Variants in DAPK2 observed in about 807,000 individuals in gnomAD.
DAPK2 encodes death associated protein kinase 2.
In DAPK2, 35 loss-of-function variants were observed where a neutral mutation model predicts 44.1. The ratio of observed to expected loss-of-function variants is 0.79; its 90% CI spans 0.61 to 1.05. The LOEUF (loss-of-function observed/expected upper bound fraction) is 1.05, where lower values mean the gene tolerates loss of function less well. Ranked by LOEUF, DAPK2 falls within the 50% of genes least tolerant of loss-of-function variation. The pLI is 0.00. For missense variants in DAPK2, 453 were observed against 483.2 expected (o/e 0.94, Z 0.59); for synonymous variants, 174 against 182.6 (o/e 0.95, Z 0.38).
chr15:63,923,188 G>A lies in DAPK2; in HGVS notation c.858+1628C>T, dbSNP rs1037407799. The A allele has an allele frequency of 1.7e-5, 26 of 1,535,912 alleles. No individual in the cohort carries two copies. Among genetic ancestry groups the A allele is most frequent in the Non-Finnish European group, 2.0e-5 (23 of 1,146,752 alleles). On this transcript the variant is annotated intron_variant, in intron 8 of 10. Coordinates refer to ENST00000261891, the Ensembl canonical transcript of DAPK2. The surrounding 1 kb of genome is among the most constrained non-coding windows in gnomAD (Gnocchi z 4.2). ...GGCATCCCAGGTCGACCCGAGCCAC[G>A]TCTTCCACCACACAGGCAAAACGCT...
chr15:63,979,114 G>T (rs1248997474), intron 2 of DAPK2, among the ~76,000 whole-genome samples: 1 of 152,198 alleles, frequency 6.6e-6, no homozygotes, highest in Non-Finnish European at 1.5e-5. Context: ...GGAGGCCCCA[G>T]AGCAGTCAGG....
chr15:63,938,932 T>C (rs950130063), intron 4 of DAPK2, among the ~76,000 whole-genome samples: 4 of 152,164 alleles, frequency 2.6e-5, no homozygotes, highest in African/African-American at 9.7e-5. Flanking sequence ...AAGAATAAAC[T>C]CATCTAAGAG....
chr15:63,911,787 G>T, intron 10 of DAPK2, 121 bp downstream of exon 11: 2 of 977,932 alleles, frequency 2.0e-6, no homozygotes, highest in Non-Finnish European at 3.2e-6. Flanking sequence ...GACTGGGCCA[G>T]CAGAACTGGC....
intron 1 of DAPK2, among the ~76,000 whole-genome samples, chr15:64,021,263 C>T (rs188009530): frequency 2.6e-5 from 4 of 152,260 alleles, no homozygotes; most frequent in East Asian, 3.9e-4. Flanking sequence ...GATGATACTG[C>T]GATGTGGGAC....
At chr15:64,022,765 G>A (rs2079726187) in intron 1 of DAPK2, among the ~76,000 whole-genome samples, 2 of 152,172 alleles carry the variant, frequency 1.3e-5, no homozygotes, top group African/African-American at 4.8e-5. Context: ...GTTGCAGTGA[G>A]CCAAGATCAC....
At chr15:63,944,830 G>A (rs2077407367) in intron 3 of DAPK2, among the ~76,000 whole-genome samples, 1 of 152,044 alleles carries the variant, frequency 6.6e-6, no homozygotes, top group Non-Finnish European at 1.5e-5. Context: ...AGTAGTCAAG[G>A]CACTGACTGC....
intron 3 of DAPK2, among the ~76,000 whole-genome samples, chr15:63,949,387 G>A (rs2140516157): frequency 6.6e-6 from 1 of 152,302 alleles, no homozygotes; most frequent in East Asian, 1.9e-4. Flanking sequence ...TCAGTCCTGG[G>A]CTAAGCAGCA....
chr15:63,913,424 T>C (rs933521007), intron 8 of DAPK2, among the ~76,000 whole-genome samples: 3 of 152,184 alleles, frequency 2.0e-5, no homozygotes, highest in Non-Finnish European at 4.4e-5. Flanking sequence ...GGAGAGTCAA[T>C]AGCTTTTATC....
At chr15:63,974,987 T>C (rs960116515) in intron 2 of DAPK2, among the ~76,000 whole-genome samples, 2 of 152,220 alleles carry the variant, frequency 1.3e-5, no homozygotes, top group African/African-American at 2.4e-5. Flanking sequence ...TAATGAGGCA[T>C]GTCCAACCCC....
intron 1 of DAPK2, among the ~76,000 whole-genome samples, chr15:64,017,371 CATAGGA>C (rs932348274): frequency 1.3e-5 from 2 of 152,226 alleles, no homozygotes; most frequent in African/African-American, 4.8e-5. Flanking sequence ...CCAAGGAAGG[CATAGGA>C]AGAGAGCAAA....
At chr15:63,960,354 G>A (rs1244645980) in intron 3 of DAPK2, among the ~76,000 whole-genome samples, 1 of 152,112 alleles carries the variant, frequency 6.6e-6, no homozygotes, top group Non-Finnish European at 1.5e-5. Context: ...ATCTCCTTCA[G>A]TTCTGCTCTG....
chr15:64,002,951 TG>T (rs2079124494), intron 1 of DAPK2, among the ~76,000 whole-genome samples: 1 of 132,200 alleles, frequency 7.6e-6, no homozygotes. Flanking sequence ...TGTGTGTGTG[TG>T]TGTGTGTGTG....
chr15:63,970,619 C>G (rs1181890034), intron 3 of DAPK2, among the ~76,000 whole-genome samples: 1 of 152,174 alleles, frequency 6.6e-6, no homozygotes, highest in Non-Finnish European at 1.5e-5. Context: ...CAGCAATACC[C>G]AAGCACCCAG....
chr15:63,915,846 G>T (rs2078913382), intron 8 of DAPK2, among the ~76,000 whole-genome samples: 1 of 152,238 alleles, frequency 6.6e-6, no homozygotes. Context: ...CGCTGATGCT[G>T]ACATCTCAGC....
intron 1 of DAPK2, chr15:63,991,345 C>T (rs1028536477): frequency 2.2e-6 from 1 of 456,040 alleles, no homozygotes; most frequent in Non-Finnish European, 4.4e-6. Context: ...GAATGCCAGC[C>T]AAGAACCTGC....
intron 2 of DAPK2, among the ~76,000 whole-genome samples, chr15:63,975,787 T>G (rs1042118851): frequency 6.6e-6 from 1 of 152,094 alleles, no homozygotes; most frequent in African/African-American, 2.4e-5. Flanking sequence ...TTAGTAGAAA[T>G]GGGGTTTCAC....
At chr15:63,933,155 A>G (rs925657791) in intron 4 of DAPK2, among the ~76,000 whole-genome samples, 1 of 152,224 alleles carries the variant, frequency 6.6e-6, no homozygotes, top group Non-Finnish European at 1.5e-5. Flanking sequence ...AGGCACAGAA[A>G]TTTGGACTAT....
chr15:63,984,419 A>G (rs184029097), intron 1 of DAPK2, among the ~76,000 whole-genome samples: 176 of 152,322 alleles, frequency 1.2e-3, no homozygotes, highest in Non-Finnish European at 1.9e-3. Context: ...GGCTGGGCTC[A>G]GAAACCCATT....
chr15:63,932,526 G>C (rs2076998403), intron 4 of DAPK2: 1 of 144,380 alleles, frequency 6.9e-6, no homozygotes. Flanking sequence ...GAGTATAGAT[G>C]ACACTTTATT....
Sources: gnomAD v4.1 joint callset for allele counts (sites outside exome capture counted in the v4.1 genomes callset) on GRCh38, gnomAD v4.1.1 for gene constraint, Gnocchi (gnomAD v3.1) non-coding constraint, MANE v1.5 for transcripts, NCBI Gene and HGNC (gene_info 2026-07-23, HGNC 2026-07-21) for gene names.